ZC3H6: variants seen among roughly 807,000 people sequenced by gnomAD.
The protein encoded by ZC3H6 is zinc finger CCCH domain-containing protein 6.
ZC3H6 carries 40 observed loss-of-function variants against 107.7 expected under a neutral mutation model. The ratio of observed to expected loss-of-function variants is 0.37; its 90% CI spans 0.29 to 0.48. The LOEUF (loss-of-function observed/expected upper bound fraction) is 0.48. ZC3H6 is among the 20% of genes least tolerant of loss of function. The pLI, the probability that ZC3H6 is intolerant of heterozygous loss-of-function variation, is 0.98. For missense variants in ZC3H6, 1,267 were observed against 1,410.4 expected (o/e 0.90, Z 1.63); for synonymous variants, 493 against 487.9 (o/e 1.01, Z -0.14).
intron 11 of ZC3H6, among the ~76,000 whole-genome samples, chr2:112,329,679 G>A (rs1676983889): frequency 6.6e-6 from 1 of 152,210 alleles, no homozygotes; most frequent in Non-Finnish European, 1.5e-5. Context: ...AGTGAGCAGT[G>A]AGATGAGGTA....
chr2:112,276,065 A>AGGAGGGGTCTGGGGCGGCG (rs1366636576), intron 1 of ZC3H6, 39 bp downstream of exon 1: 1 of 1,532,752 alleles, frequency 6.5e-7, no homozygotes, highest in Non-Finnish European at 8.8e-7. Flanking sequence ...GTCGGATGAG[A>AGGAGGGGTCTGGGGCGGCG]GGAGGGGTCT....
chr2:112,279,012 A>C (rs561093918), intron 1 of ZC3H6, among the ~76,000 whole-genome samples: 1 of 152,354 alleles, frequency 6.6e-6, no homozygotes, highest in African/African-American at 2.4e-5. Flanking sequence ...TCCTTTAAAT[A>C]TTTTCACACC....
In ZC3H6 at chr2:112,337,025, A is replaced by G. The variant is rs1183987865; in HGVS notation, c.*4537A>G. On this transcript the variant is annotated 3_prime_UTR_variant, in exon 12 of 12. Transcript: ENST00000409871. ...CCCGTTAAACAGGTGTGGCAGAAGT[A>G]TTCCATGACTGCATTAGGAAGAATG... The G allele has an allele frequency of 6.6e-6, 1 of 152,128 alleles. No homozygotes were observed. The highest frequency in any genetic ancestry group is 2.4e-5 in the African/African-American group (1 of 41,434). 9.4% of individuals were successfully genotyped at this position (152,128 alleles called of 1,614,324 possible).
Position 112,310,137 on chromosome 2 carries a change from CAG to C in ZC3H6, c.593_594del (p.Arg198AsnfsTer9). On this transcript the variant is annotated frameshift_variant, in exon 4 of 12. Transcript: ENST00000409871. LOFTEE classifies it high-confidence loss of function. ...SSFSKESGKKQRMKGVQQGIE... is the reference protein window; with the variant it reads ...SSFSKESGKKXRMKGVQQGIE... Reference sequence around the variant, plus strand: ...ATTTTCTAAAGAATCAGGAAAAAAACAGAGAATGAAAGGAGTTCAGCAAGGTA... The same window carrying C: ...ATTTTCTAAAGAATCAGGAAAAAAACAGAATGAAAGGAGTTCAGCAAGGTA... 1 of 1,613,012 alleles carries C rather than the reference CAG, an allele frequency of 6.2e-7. No homozygotes were observed. The highest frequency in any genetic ancestry group is 1.3e-5 in the African/African-American group (1 of 74,924).
At position 112,331,386 on chromosome 2, in the gene ZC3H6, A is replaced by G; in HGVS notation, c.2468A>G (p.Asp823Gly). 6.2e-7 allele frequency: 1 copy of G among 1,613,766 alleles called. No homozygotes were observed. The highest frequency in any genetic ancestry group is 8.5e-7 in the Non-Finnish European group (1 of 1,179,868). Residue 823 changes from aspartate (D) to glycine (G), a missense_variant, in exon 12 of 12, where the codon GAT becomes GGT. By Grantham distance (94) the Asp-to-Gly change is moderately conservative. This residue lies in a region of ZC3H6 where 925 missense variants were observed against 1,025.7 expected (regional missense o/e 0.90). Transcript: ENST00000409871. ...AATGTCAAACACAAAAGAGGCGATG[A>G]TGATGATGAAGATACAGAAAGAGAA... Reference protein sequence around the residue: ...GTNVKHKRGDDDDEDTERELR... With the variant: ...GTNVKHKRGDGDDEDTERELR...
intron 4 of ZC3H6, 57 bp downstream of exon 4, chr2:112,310,218 C>A: frequency 6.6e-7 from 1 of 1,513,448 alleles, no homozygotes. Flanking sequence ...AAACAGGCAG[C>A]TATGGAGTAA....
chr2:112,332,287 G>A lies in ZC3H6; in HGVS notation c.3369G>A (p.Lys1123=). 1 of 1,613,902 alleles carries A rather than the reference G, an allele frequency of 6.2e-7. No individual in the cohort carries two copies. The highest frequency in any genetic ancestry group is 8.5e-7 in the Non-Finnish European group (1 of 1,179,864). The change falls in exon 12 of 12, where the codon AAG becomes AAA. Residue 1123 remains lysine (K), a synonymous_variant. Transcript: ENST00000409871. ...PQADVPRSSG[K]VQVPAVHSLP... is the part of the protein sequence containing the mutation. The stretch of plus-strand genomic sequence containing the variant: ...CGGACGTTCCCAGGAGTTCTGGTAA[G>A]GTTCAGGTCCCAGCAGTGCACAGCC...
At chr2:112,314,677 T>G (rs1676661397) in intron 5 of ZC3H6, among the ~76,000 whole-genome samples, 1 of 152,186 alleles carries the variant, frequency 6.6e-6, no homozygotes, top group South Asian at 2.1e-4. Flanking sequence ...TTTATTTTAT[T>G]TTATAACAGC....
chr2:112,323,708 C>A (rs1057427908), intron 9 of ZC3H6, among the ~76,000 whole-genome samples: 1 of 152,092 alleles, frequency 6.6e-6, no homozygotes, highest in Admixed American at 6.6e-5. Flanking sequence ...GAGCAACATT[C>A]AAAAACTGAA....
In ZC3H6 at chr2:112,338,670, T is replaced by C. The variant is rs1677178504; in HGVS notation, c.*6182T>C. 1 of 151,918 alleles carries C rather than the reference T, an allele frequency of 6.6e-6. No homozygotes were observed. 9.4% of individuals were successfully genotyped at this position (151,918 alleles called of 1,614,324 possible). On this transcript the variant is annotated 3_prime_UTR_variant, in exon 12 of 12. Coordinates refer to ENST00000409871, the MANE Select transcript of ZC3H6 (RefSeq NM_198581.3). ...CTCATTACTGATTTTAATACCTTCA[T>C]GAGAGTATTAAGGTTGAAAGGAATG...
chr2:112,322,418 G>T lies in ZC3H6; in HGVS notation c.1087-231G>T, dbSNP rs1490327838. Among the ~76,000 whole-genome samples the T allele has an allele frequency of 2.0e-5, 3 of 150,828 alleles. No homozygotes were observed. In the East Asian group the frequency reaches 5.9e-4, roughly 30 times the overall value. ...GCACTACCATGCCCAGCTAATTTTTGCATTTTTTGTAGAGACAGGGGTTTC... is the reference window on the plus strand; with the variant it reads ...GCACTACCATGCCCAGCTAATTTTTTCATTTTTTGTAGAGACAGGGGTTTC... On this transcript the variant is annotated intron_variant, in intron 8 of 11. Transcript: ENST00000409871.
rs1676418145 is a variant in ZC3H6 at position 112,303,232 on chromosome 2, A to G, written c.217A>G (p.Asn73Asp). The change falls in exon 3 of 12, where the codon AAT becomes GAT. Residue 73 changes from asparagine to aspartate, a missense_variant. Asn to Asp is a conservative substitution (Grantham distance 23). Coordinates refer to ENST00000409871, the MANE Select transcript of ZC3H6 (RefSeq NM_198581.3). ...KRRKREKHKH[N>D]SPSSDDSSDY... ...TTTGTCTTTCCCCTCCCTTCAGCAT[A>G]ATTCCCCATCTAGTGATGATAGTTC... is the stretch of plus-strand genomic sequence containing the variant. The G allele has an allele frequency of 6.2e-7, 1 of 1,605,258 alleles. No homozygotes were observed. The highest frequency in any genetic ancestry group is 1.3e-5 in the African/African-American group (1 of 74,378).
intron 11 of ZC3H6, 75 bp downstream of exon 11, chr2:112,325,272 T>C (rs1373467103): frequency 1.4e-6 from 2 of 1,385,282 alleles, no homozygotes; most frequent in Non-Finnish European, 2.0e-6. Flanking sequence ...GGCAGGTGAA[T>C]CACCTGAGGT....
At chr2:112,310,252 C>T (rs1252973655) in intron 4 of ZC3H6, 91 bp downstream of exon 4, 11 of 1,266,842 alleles carry the variant, frequency 8.7e-6, no homozygotes, top group African/African-American at 1.5e-5. Flanking sequence ...TATCCCTGTT[C>T]AAGATTAGCT....
intron 2 of ZC3H6, among the ~76,000 whole-genome samples, chr2:112,301,934 A>T (rs891961279): frequency 6.6e-6 from 1 of 151,994 alleles, no homozygotes; most frequent in African/African-American, 2.4e-5. Flanking sequence ...TCAAATCATA[A>T]GAAATTTATG....
intron 3 of ZC3H6, among the ~76,000 whole-genome samples, chr2:112,308,162 C>T (rs1260223095): frequency 2.0e-5 from 3 of 151,924 alleles, no homozygotes; most frequent in African/African-American, 7.2e-5. Context: ...ATCATAAATT[C>T]CCTTTTGAAC....
intron 1 of ZC3H6, among the ~76,000 whole-genome samples, chr2:112,277,770 GA>G (rs2104688639): frequency 7.9e-6 from 1 of 126,968 alleles, no homozygotes; most frequent in East Asian, 2.7e-4. Flanking sequence ...GTGCTGAGAT[GA>G]AGGAGATGGT....
At chr2:112,298,395 C>G (rs1343673399) in intron 1 of ZC3H6, among the ~76,000 whole-genome samples, 1 of 152,014 alleles carries the variant, frequency 6.6e-6, no homozygotes, top group Non-Finnish European at 1.5e-5. Context: ...CAAAAAAAAC[C>G]AACTGAAATT....
Position 112,324,951 on chromosome 2 carries a change from G to A in ZC3H6, c.1853-13G>A. The A allele has an allele frequency of 6.3e-7, 1 of 1,582,272 alleles. No homozygotes were observed. Among genetic ancestry groups the A allele is most frequent in the Non-Finnish European group, 8.6e-7 (1 of 1,163,104 alleles). On this transcript the variant is annotated splice_polypyrimidine_tract_variant and intron_variant, in intron 10 of 11. Coordinates refer to ENST00000409871, the MANE Select transcript of ZC3H6 (RefSeq NM_198581.3). ...TCACTCAATGACTGTCTCTCCCCAT[G>A]TTATACATGTAGATGGGATGTGGCA...
Sources: gnomAD v4.1 joint callset for allele counts (sites outside exome capture counted in the v4.1 genomes callset) on GRCh38, gnomAD v4.1.1 for gene constraint, gnomAD v4.1.1 regional missense constraint, MANE v1.5 for transcripts, NCBI Gene and HGNC (gene_info 2026-07-23, HGNC 2026-07-21) for gene names.